PABPN1: variants seen among roughly 807,000 people sequenced by gnomAD.
PABPN1 encodes poly(A) binding protein nuclear 1.
In PABPN1, 5 loss-of-function variants were observed where a neutral mutation model predicts 33.4. The ratio of observed to expected loss-of-function variants is 0.15; its 90% CI spans 0.08 to 0.32. PABPN1 has a LOEUF of 0.32. Ranked by LOEUF, PABPN1 falls within the 10% of genes least tolerant of loss-of-function variation. The pLI, the probability that PABPN1 is intolerant of heterozygous loss-of-function variation, is 1.00. For synonymous variants in PABPN1, 176 were observed against 170.6 expected, an observed-to-expected ratio of 1.03 and a Z score of -0.25; for missense variants, 312 against 425.8, an observed-to-expected ratio of 0.73 and a Z score of 2.35.
chr14:23,323,901 C>T, intron 4 of PABPN1, 64 bp from the exon 5 acceptor site: 1 of 1,548,234 alleles, frequency 6.5e-7, no homozygotes, highest in Non-Finnish European at 8.9e-7. Context: ...AGCATGCCTG[C>T]AGGTTGAATT....
At position 23,325,464 on chromosome 14, in the gene PABPN1, C is replaced by T; in HGVS notation, c.*178C>T. 1 of 839,974 alleles carries T rather than the reference C, an allele frequency of 1.2e-6. No individual in the cohort carries two copies. The allele number at this position is 839,974 out of a possible 1,614,324, so 52.0% of individuals were successfully genotyped here. On this transcript the variant is annotated 3_prime_UTR_variant, in exon 7 of 7. Coordinates refer to ENST00000216727, the MANE Select transcript of PABPN1 (RefSeq NM_004643.4). Reference sequence around the variant, plus strand: ...CCATAACTAACTGCTGAGGAGGGACCTGCTTTGGGGAGTAGGGGAAGGCCC... The same window carrying T: ...CCATAACTAACTGCTGAGGAGGGACTTGCTTTGGGGAGTAGGGGAAGGCCC...
At chr14:23,322,108 G>C in intron 1 of PABPN1, 73 bp from the exon 2 acceptor site, 1 of 1,481,620 alleles carries the variant, frequency 6.7e-7, no homozygotes, top group Non-Finnish European at 9.2e-7. Context: ...GCCGCGCTCT[G>C]GCCGAGAGCA....
In PABPN1 at chr14:23,321,546, A is replaced by G; in HGVS notation, c.77A>G (p.His26Arg). Residue 26 changes from histidine to arginine, a missense_variant, in exon 1 of 7, where the codon CAT becomes CGT. Around this residue, in one of 3 missense-constraint regions of PABPN1, gnomAD observed 167 missense variants for 168.9 expected, o/e 0.99. Transcript: ENST00000216727. Reference sequence around the variant, plus strand: ...GGCTCCGGGCCGGGGCGGCGGCGCCATCTTGTGCCCGGGGCCGGTGGGGAG... The same window carrying G: ...GGCTCCGGGCCGGGGCGGCGGCGCCGTCTTGTGCCCGGGGCCGGTGGGGAG... ...GRGSGPGRRR[H>R]LVPGAGGEAG... 7.4e-7 allele frequency: 1 copy of G among 1,343,592 alleles called. No homozygotes were observed. Among genetic ancestry groups the G allele is most frequent in the Non-Finnish European group, 9.6e-7 (1 of 1,038,646 alleles). The allele number at this position is 1,343,592 out of a possible 1,614,324, so 83.2% of individuals were successfully genotyped here.
Position 23,321,695 on chromosome 14 carries a change from C to G in PABPN1, c.226C>G (p.Arg76Gly). Residue 76 changes from arginine (R) to glycine (G), a missense_variant, in exon 1 of 7, where the codon CGG (arginine) becomes GGG (glycine). By Grantham distance (125) the Arg-to-Gly change is moderately radical. Coordinates refer to ENST00000216727, the MANE Select transcript of PABPN1 (RefSeq NM_004643.4). The part of the protein sequence containing the change: ...PEPEPEEEPP[R>G]PRAPPGAPGP... ...GCCCGAGCCCGAAGAGGAGCCGCCC[C>G]GGCCCCGCGCCCCCCCGGGAGCTCC... is the stretch of plus-strand genomic sequence containing the variant. 6.5e-7 allele frequency: 1 copy of G among 1,531,998 alleles called. No homozygotes were observed. Among genetic ancestry groups the G allele is most frequent in the Non-Finnish European group, 8.8e-7 (1 of 1,134,134 alleles). The allele number at this position is 1,531,998 out of a possible 1,614,324, so 94.9% of individuals were successfully genotyped here.
intron 6 of PABPN1, 191 bp from the exon 7 acceptor site, chr14:23,325,056 G>A (rs1214949341): frequency 1.5e-6 from 1 of 665,164 alleles, no homozygotes; most frequent in African/African-American, 1.8e-5. Context: ...TTTCTGTTAA[G>A]CCCCCCTCCC....
chr14:23,325,216 G>A (rs553965624), intron 6 of PABPN1, 31 bp from the exon 7 acceptor site: 33 of 1,613,410 alleles, frequency 2.0e-5, no homozygotes, highest in South Asian at 2.0e-4. Context: ...TAGTGATCAC[G>A]TTAACACCTA....
Position 23,321,957 on chromosome 14 carries a change from G to C in PABPN1, c.351+137G>C. 6.4e-6 allele frequency: 5 copies of C among 783,560 alleles called. No individual in the cohort carries two copies. In the East Asian group the frequency reaches 1.3e-4, roughly 21 times the overall value. 48.5% of individuals were successfully genotyped at this position (783,560 alleles called of 1,614,324 possible). ...ACGTGGCTGGGGCCGGGTCGGGCCG[G>C]GGATGGGTCAGCGATCACTACAAGG... On this transcript the variant is annotated intron_variant, in intron 1 of 6. Coordinates refer to ENST00000216727, the MANE Select transcript of PABPN1 (RefSeq NM_004643.4).
chr14:23,322,493 T>C (rs982776288), intron 2 of PABPN1, 198 bp downstream of exon 2: 18 of 620,692 alleles, frequency 2.9e-5, no homozygotes, highest in Non-Finnish European at 8.8e-6. Flanking sequence ...GTGGTAGCCT[T>C]GTGCCTCCCT....
chr14:23,323,201 A>T, intron 3 of PABPN1, 135 bp downstream of exon 3: 1 of 1,339,312 alleles, frequency 7.5e-7, no homozygotes, highest in Non-Finnish European at 1.1e-6. Context: ...GGTTAAAGGT[A>T]ATGGAATGAT....
rs561511189 is a variant in PABPN1, at chr14:23,324,281, C to G, written c.873C>G (p.Arg291=). 2 of 1,612,746 alleles carry G rather than the reference C, an allele frequency of 1.2e-6. No individual in the cohort carries two copies. Among genetic ancestry groups the G allele is most frequent in the Non-Finnish European group, 1.7e-6 (2 of 1,180,008 alleles). ...YSGFNSRPRG[R]VYRGRARATS... The stretch of plus-strand genomic sequence containing the variant: ...GTTTTAACAGCAGGCCCCGGGGTCG[C>G]GTCTACAGGTCAGGATAGATGGGCT... The change falls in exon 6 of 7, where the codon CGC becomes CGG. Residue 291 remains arginine, a synonymous_variant. Coordinates refer to ENST00000216727, the MANE Select transcript of PABPN1 (RefSeq NM_004643.4).
At chr14:23,322,100 C>T in intron 1 of PABPN1, 81 bp from the exon 2 acceptor site, 2 of 1,441,536 alleles carry the variant, frequency 1.4e-6, no homozygotes, top group South Asian at 1.2e-5. Context: ...TGGCTGAGGC[C>T]GCGCTCTGGC....
In PABPN1 at chr14:23,321,774, C is replaced by A. The variant is rs765448940; in HGVS notation, c.305C>A (p.Pro102Gln). The change falls in exon 1 of 7, where the codon CCG becomes CAG. Residue 102 changes from proline (P) to glutamine (Q), a missense_variant. By Grantham distance (76) the Pro-to-Gln change is moderately conservative. Coordinates refer to ENST00000216727, the MANE Select transcript of PABPN1 (RefSeq NM_004643.4). ...GGCAGCCAAGAGGAGGAGGAGGAGC[C>A]GGGACTGGTCGAGGGTGACCCGGGG... Reference protein sequence around the residue: ...APGSQEEEEEPGLVEGDPGDG... With the variant: ...APGSQEEEEEQGLVEGDPGDG... 1.2e-5 allele frequency: 19 copies of A among 1,530,476 alleles called. No individual in the cohort carries two copies. The highest frequency in any genetic ancestry group is 1.6e-5 in the Non-Finnish European group (18 of 1,138,766). The allele number at this position is 1,530,476 out of a possible 1,614,324, so 94.8% of individuals were successfully genotyped here. A position where few individuals can be genotyped will look rare whatever the true frequency, so the allele number is the denominator to read the frequency against.
intron 2 of PABPN1, 60 bp from the exon 3 acceptor site, chr14:23,322,939 A>G (rs1594989245): frequency 6.2e-7 from 1 of 1,611,232 alleles, no homozygotes; most frequent in Non-Finnish European, 8.5e-7. Context: ...GAAGTGCAAC[A>G]TATTGGTCAA....
At chr14:23,324,397 T>A in intron 6 of PABPN1, 108 bp downstream of exon 6, 2 of 1,255,666 alleles carry the variant, frequency 1.6e-6, no homozygotes, top group Non-Finnish European at 2.1e-6. Context: ...CCCGTGGTCT[T>A]CAGGAACTTT....
At position 23,322,292 on chromosome 14, in the gene PABPN1, A is replaced by G. The variant is rs1888365802; in HGVS notation, c.463A>G (p.Asn155Asp). ...GATGAATATGAGTCCACCTCCAGGCAATGGTGAGTAACTGGCGGTTGCACG... is the reference window on the plus strand; with the variant it reads ...GATGAATATGAGTCCACCTCCAGGCGATGGTGAGTAACTGGCGGTTGCACG... Reference protein sequence around the residue: ...KQMNMSPPPGNAGPVIMSIEE... With the variant: ...KQMNMSPPPGDAGPVIMSIEE... Residue 155 changes from asparagine to aspartate, a missense_variant, in exon 2 of 7, where the codon AAT (asparagine) becomes GAT (aspartate). Around this residue, in one of 3 missense-constraint regions of PABPN1, gnomAD observed 77 missense variants for 185.7 expected, o/e 0.41. Transcript: ENST00000216727. 1 of 1,598,554 alleles carries G rather than the reference A, an allele frequency of 6.3e-7. No homozygotes were observed. Among genetic ancestry groups the G allele is most frequent in the Non-Finnish European group, 8.5e-7 (1 of 1,172,236 alleles).
At chr14:23,322,822 G>C (rs1170933808) in intron 2 of PABPN1, 177 bp from the exon 3 acceptor site, 4 of 700,646 alleles carry the variant, frequency 5.7e-6, no homozygotes, top group Non-Finnish European at 1.0e-5. Flanking sequence ...AATATTTAGT[G>C]AGTACCTGCT....
rs1401488248 is a variant in PABPN1, at chr14:23,321,582, G to A, written c.113G>A (p.Gly38Glu). The A allele has an allele frequency of 3.5e-6, 5 of 1,444,312 alleles. No homozygotes were observed. Among genetic ancestry groups the A allele is most frequent in the South Asian group, 1.4e-5 (1 of 72,328 alleles). 89.5% of individuals were successfully genotyped at this position (1,444,312 alleles called of 1,614,324 possible). A position where few individuals can be genotyped will look rare whatever the true frequency, so the allele number is the denominator to read the frequency against. Residue 38 changes from glycine to glutamate, a missense_variant, in exon 1 of 7, where the codon GGG (glycine) becomes GAG (glutamate). By Grantham distance (98) the Gly-to-Glu change is moderately conservative. Coordinates refer to ENST00000216727, the MANE Select transcript of PABPN1 (RefSeq NM_004643.4). ...GGGGCCGGTGGGGAGGCCGGGGAGG[G>A]GGCCCCGGGGGGCGCAGGGGACTAC... ...VPGAGGEAGE[G>E]APGGAGDYGN...
chr14:23,321,498 C>G lies in PABPN1; in HGVS notation c.29C>G (p.Ala10Gly). Residue 10 changes from alanine (A) to glycine (G), a missense_variant, in exon 1 of 7, where the codon GCA becomes GGA. Around this residue, in one of 3 missense-constraint regions of PABPN1, gnomAD observed 167 missense variants for 168.9 expected, o/e 0.99. Coordinates refer to ENST00000216727, the MANE Select transcript of PABPN1 (RefSeq NM_004643.4). MAAAAAAAA[A>G]AGAAGGRGSG... ...GCGGCGGCGGCGGCGGCGGCAGCAG[C>G]AGCGGGGGCTGCGGGCGGTCGGGGC... The G allele has an allele frequency of 8.2e-7, 1 of 1,219,078 alleles. No individual in the cohort carries two copies. Among genetic ancestry groups the G allele is most frequent in the South Asian group, 4.1e-5 (1 of 24,478 alleles). The allele number at this position is 1,219,078 out of a possible 1,614,324, so 75.5% of individuals were successfully genotyped here. A position where few individuals can be genotyped will look rare whatever the true frequency, so the allele number is the denominator to read the frequency against.
In PABPN1 at chr14:23,321,502, G is replaced by T. The variant is rs1365508129; in HGVS notation, c.33G>T (p.Ala11=). ...CGGCGGCGGCGGCGGCAGCAGCAGC[G>T]GGGGCTGCGGGCGGTCGGGGCTCCG... MAAAAAAAAA[A]GAAGGRGSGP... The change falls in exon 1 of 7, where the codon GCG becomes GCT. Residue 11 remains alanine, a synonymous_variant. Coordinates refer to ENST00000216727, the MANE Select transcript of PABPN1 (RefSeq NM_004643.4). 1.6e-6 allele frequency: 2 copies of T among 1,223,370 alleles called. No homozygotes were observed. Among genetic ancestry groups the T allele is most frequent in the East Asian group, 3.3e-5 (1 of 29,972 alleles). 75.8% of individuals were successfully genotyped at this position (1,223,370 alleles called of 1,614,324 possible).
Sources: allele counts gnomAD v4.1 joint callset, GRCh38; gene constraint gnomAD v4.1.1; regional missense constraint gnomAD v4.1.1; transcripts MANE v1.5; gene names NCBI Gene and HGNC (gene_info 2026-07-23, HGNC 2026-07-21).